Variants in MITF observed in about 807,000 individuals in gnomAD.
MITF encodes the protein melanocyte inducing transcription factor, also known as microphthalmia-associated transcription factor.
Under a neutral mutation model 60.5 loss-of-function variants are expected in MITF, and 17 were observed. The observed-to-expected ratio is 0.28, with a 90% CI of 0.19 to 0.42. MITF has a LOEUF of 0.42. MITF is among the 10% of genes least tolerant of loss of function. The pLI is 1.00. For missense variants in MITF, 622 were observed against 683.5 expected, an observed-to-expected ratio of 0.91 and a Z score of 1.00; for synonymous variants, 260 against 248.5, an observed-to-expected ratio of 1.05 and a Z score of -0.43.
chr3:69,898,612 T>C (rs2064929278), intron 2 of MITF, among the ~76,000 whole-genome samples: 1 of 152,072 alleles, frequency 6.6e-6, no homozygotes, highest in African/African-American at 2.4e-5. Flanking sequence ...AAGCAGCCAG[T>C]AGGACAGAGG....
chr3:69,937,365 GGTGTGTGTGTGT>G (rs56689910), intron 2 of MITF, among the ~76,000 whole-genome samples: 11 of 142,204 alleles, frequency 7.7e-5, no homozygotes, highest in East Asian at 2.1e-4. Context: ...TTCTTAAGGA[GGTGTGTGTGTGT>G]GTGTGTGTGT....
At chr3:69,839,903 C>T (rs984547127) in intron 1 of MITF, among the ~76,000 whole-genome samples, 1 of 152,026 alleles carries the variant, frequency 6.6e-6, no homozygotes, top group Non-Finnish European at 1.5e-5. Context: ...CACACCCCTC[C>T]TCCCCAAGTC....
chr3:69,893,781 A>G lies in MITF; in HGVS notation c.354+14398A>G, dbSNP rs777386129. ...CAAGGAATTTTAATTCTTAAAAACT[A>G]CCTGGCTATGTAGATTCCTCTAACA... On this transcript the variant is annotated intron_variant, in intron 2 of 9. Transcript: ENST00000352241. Among the ~76,000 whole-genome samples, 3 of 152,194 alleles carry G rather than the reference A, an allele frequency of 2.0e-5. No individual in the cohort carries two copies. In the East Asian group the frequency reaches 5.8e-4, roughly 29 times the overall value.
chr3:69,824,633 C>T (rs9838601), intron 1 of MITF, among the ~76,000 whole-genome samples: 76,307 of 152,044 alleles, frequency 0.5, 20,869 homozygotes, highest in Non-Finnish European at 0.63. Flanking sequence ...CTTGCAGCAC[C>T]GGAGACATCT....
At chr3:69,925,356 G>A (rs576004812) in intron 2 of MITF, among the ~76,000 whole-genome samples, 13 of 152,172 alleles carry the variant, frequency 8.5e-5, no homozygotes, top group Admixed American at 6.5e-5. Flanking sequence ...ACAGTGGGTC[G>A]TATTCTTAGC....
At chr3:69,855,542 C>T (rs182053534) in intron 1 of MITF, among the ~76,000 whole-genome samples, 86 of 151,678 alleles carry the variant, frequency 5.7e-4, no homozygotes, top group Non-Finnish European at 9.0e-4. Flanking sequence ...ACAGCTCTCC[C>T]GTAACTTTGT....
intron 9 of MITF, among the ~76,000 whole-genome samples, chr3:69,961,474 A>C (rs2066544508): frequency 6.6e-6 from 1 of 151,940 alleles, no homozygotes; most frequent in South Asian, 2.1e-4. Flanking sequence ...TGAGAGGCCA[A>C]GGTGGGTGGA....
intron 1 of MITF, among the ~76,000 whole-genome samples, chr3:69,841,991 G>A (rs1006424135): frequency 2.8e-4 from 43 of 152,284 alleles, no homozygotes; most frequent in African/African-American, 9.4e-4. Context: ...CATGACATAT[G>A]TTAAGCTTTA....
At chr3:69,864,650 T>G (rs2064079000) in intron 1 of MITF, among the ~76,000 whole-genome samples, 1 of 152,190 alleles carries the variant, frequency 6.6e-6, no homozygotes, top group Non-Finnish European at 1.5e-5. Flanking sequence ...CATCTCTCTG[T>G]GGTTTCTTGT....
intron 2 of MITF, among the ~76,000 whole-genome samples, chr3:69,897,045 C>G (rs1218169457): frequency 6.6e-6 from 1 of 152,112 alleles, no homozygotes; most frequent in African/African-American, 2.4e-5. Flanking sequence ...CAGTGAAATG[C>G]AAGGTAGCAG....
At chr3:69,948,384 G>A (rs757154424) in intron 5 of MITF, among the ~76,000 whole-genome samples, 4 of 151,852 alleles carry the variant, frequency 2.6e-5, no homozygotes, top group African/African-American at 4.8e-5. Flanking sequence ...CTTGGGGAAG[G>A]CTAAATATTT....
At chr3:69,931,187 T>A (rs532555873) in intron 2 of MITF, among the ~76,000 whole-genome samples, 1 of 152,316 alleles carries the variant, frequency 6.6e-6, no homozygotes, top group African/African-American at 2.4e-5. Context: ...TTTGAGAGAA[T>A]GAGCACTAAT....
chr3:69,790,754 T>A (rs1021429674), intron 1 of MITF, among the ~76,000 whole-genome samples: 3 of 152,180 alleles, frequency 2.0e-5, no homozygotes, highest in Admixed American at 2.0e-4. Flanking sequence ...GTCCCTAGTC[T>A]GTCCAATCAA....
chr3:69,765,689 G>C (rs879898287), intron 1 of MITF, among the ~76,000 whole-genome samples: 5 of 152,178 alleles, frequency 3.3e-5, no homozygotes, highest in Non-Finnish European at 7.3e-5. Flanking sequence ...TAGTTTAACT[G>C]TTAGTAGTTA....
intron 2 of MITF, among the ~76,000 whole-genome samples, chr3:69,904,281 G>T (rs1191464091): frequency 1.3e-5 from 2 of 152,158 alleles, no homozygotes; most frequent in Non-Finnish European, 2.9e-5. Flanking sequence ...AAAAATTGAT[G>T]CTTCACTACA....
intron 1 of MITF, among the ~76,000 whole-genome samples, chr3:69,802,116 G>A (rs1431927483): frequency 6.6e-6 from 1 of 152,146 alleles, no homozygotes; most frequent in Non-Finnish European, 1.5e-5. Flanking sequence ...CTAGAGCAGT[G>A]GCTCTCACCT....
intron 2 of MITF, among the ~76,000 whole-genome samples, chr3:69,904,234 C>T: frequency 6.6e-6 from 1 of 152,050 alleles, no homozygotes; most frequent in East Asian, 1.9e-4. Context: ...TGGGGATACA[C>T]TAGTGAACAA....
At chr3:69,753,195 G>A (rs1202075260) in intron 1 of MITF, among the ~76,000 whole-genome samples, 1 of 152,186 alleles carries the variant, frequency 6.6e-6, no homozygotes, top group African/African-American at 2.4e-5. Flanking sequence ...AGAGGCCCAG[G>A]TTACACTCAG....
intron 1 of MITF, among the ~76,000 whole-genome samples, chr3:69,798,086 A>G (rs1194060853): frequency 6.6e-6 from 1 of 152,150 alleles, no homozygotes; most frequent in East Asian, 1.9e-4. Flanking sequence ...ATGTGTACCC[A>G]CCTTAGGCCT....
Sources: gnomAD v4.1 joint callset for allele counts (sites outside exome capture counted in the v4.1 genomes callset) on GRCh38, gnomAD v4.1.1 for gene constraint, MANE v1.5 for transcripts, NCBI Gene and HGNC (gene_info 2026-07-23, HGNC 2026-07-21) for gene names.